ANO10: variants seen among roughly 807,000 people sequenced by gnomAD.
ANO10 encodes the protein anoctamin 10.
Under a neutral mutation model 74.7 loss-of-function variants are expected in ANO10, and 77 were observed. The ratio of observed to expected loss-of-function variants is 1.03; its 90% CI spans 0.86 to 1.25. ANO10 has a LOEUF of 1.25. ANO10 is among the 50% of genes most tolerant of loss of function. The pLI, the probability that ANO10 is intolerant of heterozygous loss-of-function variation, is 0.00. For synonymous variants in ANO10, 279 were observed against 284.9 expected (o/e 0.98, Z 0.21); for missense variants, 721 against 778.1 (o/e 0.93, Z 0.87).
chr3:43,620,493 A>T (rs1330646180), intron 1 of ANO10, among the ~76,000 whole-genome samples: 3 of 152,270 alleles, frequency 2.0e-5, no homozygotes, highest in Admixed American at 6.5e-5. Flanking sequence ...CAATGAAAAA[A>T]GTTGGCCAGC....
chr3:43,447,295 A>G (rs923074834), intron 11 of ANO10, among the ~76,000 whole-genome samples: 1 of 152,224 alleles, frequency 6.6e-6, no homozygotes, highest in African/African-American at 2.4e-5. Context: ...TGTTCCGTAC[A>G]TGGTATTAAG....
At chr3:43,582,100 A>C (rs1389624552) in intron 4 of ANO10, among the ~76,000 whole-genome samples, 1 of 152,108 alleles carries the variant, frequency 6.6e-6, no homozygotes, top group East Asian at 1.9e-4. Flanking sequence ...TAAAAATATC[A>C]GGCATAAAAC....
intron 11 of ANO10, among the ~76,000 whole-genome samples, chr3:43,442,738 C>T (rs989825042): frequency 1.3e-5 from 2 of 152,168 alleles, no homozygotes; most frequent in African/African-American, 4.8e-5. Context: ...GTCTCTGTCA[C>T]AATTACTCAA....
At position 43,460,783 on chromosome 3, in the gene ANO10, GT is replaced by G. The variant is rs35313500; in HGVS notation, c.1798-28057del. On this transcript the variant is annotated intron_variant, in intron 11 of 12. Transcript: ENST00000292246. Reference sequence around the variant, plus strand: ...GATAATTCTGAGAACAGGAGAGAGGGTTTTTTTTAAAAAAAGGACAGCAGCC... The same window carrying G: ...GATAATTCTGAGAACAGGAGAGAGGGTTTTTTTAAAAAAAGGACAGCAGCC... 2.6e-4 allele frequency among the ~76,000 whole-genome samples: 39 copies of G among 151,888 alleles called. 1 individual carries two copies.
At chr3:43,471,229 C>G (rs941557673) in intron 11 of ANO10, among the ~76,000 whole-genome samples, 4 of 151,964 alleles carry the variant, frequency 2.6e-5, no homozygotes, top group African/African-American at 9.7e-5. Context: ...TTTTAACTAA[C>G]AGAAAAAGTA....
rs989483884 is a variant in ANO10, at chr3:43,568,119, G to A, written c.1219-2392C>T. 1.6e-3 allele frequency among the ~76,000 whole-genome samples: 239 copies of A among 151,868 alleles called. 2 individuals carry two copies. Among genetic ancestry groups the A allele is most frequent in the Admixed American group, 3.9e-3 (59 of 15,246 alleles). On this transcript the variant is annotated intron_variant, in intron 7 of 12. Transcript: ENST00000292246. ...TACATAATGGTAAAGGGATCAATTC[G>A]ACAAGAAGAGCTAACTATCCTAAAT...
At chr3:43,452,238 C>A (rs1372149950) in intron 11 of ANO10, among the ~76,000 whole-genome samples, 1 of 152,136 alleles carries the variant, frequency 6.6e-6, no homozygotes, top group African/African-American at 2.4e-5. Flanking sequence ...TAATTCAATA[C>A]CTTCTAGTAT....
At chr3:43,446,906 C>G (rs984633514) in intron 11 of ANO10, among the ~76,000 whole-genome samples, 5 of 152,064 alleles carry the variant, frequency 3.3e-5, no homozygotes, top group African/African-American at 1.2e-4. Flanking sequence ...TAAAGTGATA[C>G]CCCTACCCCT....
Position 43,600,458 on chromosome 3 carries a change from A to G in ANO10, c.263T>C (p.Leu88Ser), listed in dbSNP as rs1197820997. 1 of 1,614,142 alleles carries G rather than the reference A, an allele frequency of 6.2e-7. No homozygotes were observed. Among genetic ancestry groups the G allele is most frequent in the Non-Finnish European group, 8.5e-7 (1 of 1,180,016 alleles). ...RMLLGAEAVG[L>S]VKECNDNTMR... The stretch of plus-strand genomic sequence containing the variant: ...GGTGTTATCATTGCACTCTTTTACC[A>G]ATCCCACTGCTTCTGCCCCTAGTAA... The change falls in exon 3 of 13, where the codon TTG (leucine) becomes TCG (serine). Residue 88 changes from leucine (L) to serine (S), a missense_variant. Physicochemically the swap from Leu to Ser is moderately radical, Grantham distance 145 (BLOSUM62 -2). Transcript: ENST00000292246.
At chr3:43,502,319 A>G (rs1476557503) in intron 11 of ANO10, among the ~76,000 whole-genome samples, 1 of 152,152 alleles carries the variant, frequency 6.6e-6, no homozygotes, top group East Asian at 1.9e-4. Flanking sequence ...CCTAGTGGAC[A>G]GTGTTTGGGT....
chr3:43,409,944 C>T (rs1017005478), intron 12 of ANO10, among the ~76,000 whole-genome samples: 8 of 152,038 alleles, frequency 5.3e-5, no homozygotes, highest in South Asian at 2.1e-4. Context: ...AGTATTATTC[C>T]TGAAGACCCA....
intron 1 of ANO10, among the ~76,000 whole-genome samples, chr3:43,679,263 G>A (rs1390230506): frequency 6.6e-6 from 1 of 152,210 alleles, no homozygotes; most frequent in Admixed American, 6.5e-5. Context: ...TTTTCCAATG[G>A]TCTTAGCAAA....
intron 11 of ANO10, among the ~76,000 whole-genome samples, chr3:43,466,716 G>C (rs1413173562): frequency 6.6e-6 from 1 of 152,004 alleles, no homozygotes; most frequent in Non-Finnish European, 1.5e-5. Flanking sequence ...TTTCTGACAA[G>C]ACATAAAAAA....
At chr3:43,461,584 G>C (rs1376329880) in intron 11 of ANO10, among the ~76,000 whole-genome samples, 1 of 152,174 alleles carries the variant, frequency 6.6e-6, no homozygotes, top group Non-Finnish European at 1.5e-5. Flanking sequence ...AGTCTCACAA[G>C]ATATGATGGT....
At chr3:43,485,000 G>T in intron 11 of ANO10, 2 of 1,458,942 alleles carry the variant, frequency 1.4e-6, no homozygotes, top group Non-Finnish European at 1.9e-6. Flanking sequence ...CCTCTTGGTG[G>T]TGAGGCGTGG....
In ANO10 at chr3:43,557,780, T is replaced by C. The variant is rs141435817; in HGVS notation, c.1477-2311A>G. Among the ~76,000 whole-genome samples the C allele has an allele frequency of 1.7e-3, 256 of 149,142 alleles. 2 individuals are homozygous for C. Among genetic ancestry groups the C allele is most frequent in the South Asian group, 0.015 (71 of 4,686 alleles). On this transcript the variant is annotated intron_variant, in intron 9 of 12. Transcript: ENST00000292246. ...AAGACGTTTTGTTTATGTGAGTTTA[T>C]CTAGTTGATGCTTTGATGCTTACCA... is the stretch of plus-strand genomic sequence containing the variant.
At chr3:43,648,673 CTTT>C (rs57098436) in intron 1 of ANO10, among the ~76,000 whole-genome samples, 1 of 111,280 alleles carries the variant, frequency 9.0e-6, no homozygotes, top group African/African-American at 3.8e-5. Context: ...TTTTAGCCCG[CTTT>C]TTTTTTTTTT....
At chr3:43,655,818 T>C (rs1359243826) in intron 1 of ANO10, among the ~76,000 whole-genome samples, 87 of 106,484 alleles carry the variant, frequency 8.2e-4, no homozygotes, top group East Asian at 1.9e-3. Flanking sequence ...GATTGGTGTA[T>C]TTACAATCCC....
In ANO10 at chr3:43,667,072, G is replaced by GTTTTTTT. The variant is rs55764466; in HGVS notation, c.-12+24438_-12+24444dup. On this transcript the variant is annotated intron_variant, in intron 1 of 3. Coordinates refer to the ANO10 transcript ENST00000413397. Reference sequence around the variant, plus strand: ...CCTCATGCATTAAAATACAATGCATGTTTTTTTTTTTTTTTTTTTTTTTTT... The same window carrying GTTTTTTT: ...CCTCATGCATTAAAATACAATGCATGTTTTTTTTTTTTTTTTTTTTTTTTTTTTTTTT... Among the ~76,000 whole-genome samples, 10 of 56,140 alleles carry GTTTTTTT rather than the reference G, an allele frequency of 1.8e-4. 1 individual carries two copies. Among genetic ancestry groups the GTTTTTTT allele is most frequent in the Non-Finnish European group, 2.2e-4 (7 of 31,944 alleles). 36.8% of individuals were successfully genotyped at this position (56,140 alleles called of 152,430 possible).
Sources: gnomAD v4.1 joint callset for allele counts (sites outside exome capture counted in the v4.1 genomes callset) on GRCh38, gnomAD v4.1.1 for gene constraint, MANE v1.5 for transcripts, NCBI Gene and HGNC (gene_info 2026-07-23, HGNC 2026-07-21) for gene names.